Variants in ENPP3 observed in about 807,000 individuals in gnomAD.
ENPP3 encodes ectonucleotide pyrophosphatase/phosphodiesterase family member 3.
ENPP3 carries 104 observed loss-of-function variants against 117.8 expected under a neutral mutation model. That is an observed-to-expected ratio of 0.88 (90% confidence interval 0.75 to 1.04). The LOEUF (loss-of-function observed/expected upper bound fraction) is 1.04. ENPP3 is among the 50% of genes least tolerant of loss of function. ENPP3 has a pLI of 0.00. For synonymous variants in ENPP3, 380 were observed against 349.9 expected, an observed-to-expected ratio of 1.09 and a Z score of -0.96; for missense variants, 1,026 against 1,051.9, an observed-to-expected ratio of 0.98 and a Z score of 0.34.
intron 23 of ENPP3, among the ~76,000 whole-genome samples, chr6:131,739,593 C>CTTTTTT (rs71270397): frequency 4.2e-4 from 37 of 87,446 alleles, no homozygotes; most frequent in Admixed American, 7.0e-4. Context: ...TCATGCTCTG[C>CTTTTTT]TTTTTTTTTT....
At chr6:131,646,282 G>A (rs903286945) in intron 2 of ENPP3, among the ~76,000 whole-genome samples, 1 of 148,452 alleles carries the variant, frequency 6.7e-6, no homozygotes, top group Non-Finnish European at 1.5e-5. Flanking sequence ...CTCTGTGTGT[G>A]TGTGTGTGTG....
chr6:131,682,756 A>G (rs1405893663), intron 11 of ENPP3, among the ~76,000 whole-genome samples: 4 of 152,204 alleles, frequency 2.6e-5, no homozygotes, highest in Non-Finnish European at 4.4e-5. Context: ...GAGCATCGCT[A>G]TGAAAATTTT....
At chr6:131,649,878 C>T (rs1778225697) in intron 2 of ENPP3, 149 bp from the exon 3 acceptor site, 1 of 778,478 alleles carries the variant, frequency 1.3e-6, no homozygotes, top group Non-Finnish European at 2.1e-6. Flanking sequence ...TTATTTATTA[C>T]ATTGTATTGG....
intron 5 of ENPP3, among the ~76,000 whole-genome samples, chr6:131,654,515 T>G (rs1410916420): frequency 6.6e-6 from 1 of 152,010 alleles, no homozygotes; most frequent in African/African-American, 2.4e-5. Context: ...TGATCATGAC[T>G]CATAGCAGCT....
At chr6:131,658,230 T>C (rs1357355300) in intron 5 of ENPP3, 93 bp from the exon 6 acceptor site, 1 of 702,298 alleles carries the variant, frequency 1.4e-6, no homozygotes, top group African/African-American at 1.8e-5. Context: ...CCAATTATTT[T>C]ACCTTAAACA....
intron 9 of ENPP3, among the ~76,000 whole-genome samples, chr6:131,675,921 C>A (rs923047368): frequency 6.6e-6 from 1 of 152,090 alleles, no homozygotes; most frequent in African/African-American, 2.4e-5. Flanking sequence ...TTCAATGGCC[C>A]CCTGTGTCAC....
intron 15 of ENPP3, chr6:131,700,663 T>A: frequency 6.4e-7 from 1 of 1,558,864 alleles, no homozygotes; most frequent in Non-Finnish European, 8.6e-7. Flanking sequence ...ACGAGTCCAA[T>A]CACACAGAGG....
intron 19 of ENPP3, 30 bp from the exon 20 acceptor site, chr6:131,726,016 C>A: frequency 6.5e-7 from 1 of 1,548,644 alleles, no homozygotes; most frequent in Non-Finnish European, 8.9e-7. Flanking sequence ...ATTTCATGAA[C>A]CTTTTTATTT....
rs1169239940 is a variant in ENPP3, at chr6:131,685,918, A to G, written c.1284+11A>G. On this transcript the variant is annotated intron_variant, in intron 14 of 24. Coordinates refer to ENST00000357639, the MANE Select transcript of ENPP3 (RefSeq NM_005021.5). The stretch of plus-strand genomic sequence containing the variant: ...GTTAGAAACCTCAGTGTAAGTATAC[A>G]ATACTCTTAATACATATATTTAAGT... 1 of 786,210 alleles carries G rather than the reference A, an allele frequency of 1.3e-6. No homozygotes were observed. Among genetic ancestry groups the G allele is most frequent in the Non-Finnish European group, 2.1e-6 (1 of 469,366 alleles). 48.7% of individuals were successfully genotyped at this position (786,210 alleles called of 1,614,324 possible). A position where few individuals can be genotyped will look rare whatever the true frequency, so the allele number is the denominator to read the frequency against.
intron 23 of ENPP3, among the ~76,000 whole-genome samples, chr6:131,738,807 T>C (rs747320331): frequency 7.2e-5 from 11 of 152,160 alleles, no homozygotes; most frequent in Non-Finnish European, 1.6e-4. Flanking sequence ...AACTAAACAA[T>C]TGTACTGTCT....
intron 1 of ENPP3, among the ~76,000 whole-genome samples, chr6:131,637,983 T>A (rs1324009399): frequency 6.6e-6 from 1 of 151,930 alleles, no homozygotes; most frequent in Non-Finnish European, 1.5e-5. Context: ...TTTTTAATTT[T>A]AAATTTTTTT....
At position 131,723,827 on chromosome 6, in the gene ENPP3, TCACA is replaced by T. The variant is rs1554268188; in HGVS notation, c.1747-188_1747-185del. 2.1e-3 allele frequency among the ~76,000 whole-genome samples: 307 copies of T among 145,926 alleles called. 1 individual carries two copies. Among genetic ancestry groups the T allele is most frequent in the African/African-American group, 7.3e-3 (282 of 38,556 alleles). ...TTCTCTCTCTCTCTCTCTCTCTCTC[TCACA>T]CACACACACACACACACACACACAA... is the stretch of plus-strand genomic sequence containing the variant. On this transcript the variant is annotated intron_variant, in intron 18 of 24. Coordinates refer to ENST00000357639, the MANE Select transcript of ENPP3 (RefSeq NM_005021.5).
rs149245881 is a variant in ENPP3, at chr6:131,688,997, C to T, written c.1284+3090C>T. 2.4e-4 allele frequency among the ~76,000 whole-genome samples: 37 copies of T among 151,692 alleles called. 1 individual carries two copies. Among genetic ancestry groups the T allele is most frequent in the African/African-American group, 7.5e-4 (31 of 41,376 alleles). On this transcript the variant is annotated intron_variant, in intron 14 of 24. Transcript: ENST00000357639. ...AGGAAAATTGCTTGAACCCGGAAGG[C>T]GGAGGTTGCAGTGAGCTGAGATCAC...
Position 131,683,106 on chromosome 6 carries a change from G to T in ENPP3, c.1064G>T (p.Gly355Val), listed in dbSNP as rs751772186. 7.4e-6 allele frequency: 12 copies of T among 1,612,866 alleles called. No homozygotes were observed. The highest frequency in any genetic ancestry group is 9.3e-6 in the Non-Finnish European group (11 of 1,179,112). ...VDHAFGMLME[G>V]LKQRNLHNCV... is the part of the protein sequence containing the mutation. Reference sequence around the variant, plus strand: ...CATGCTTTTGGGATGTTGATGGAAGGCCTGAAGCAGCGGAATTTGCACAAC... The same window carrying T: ...CATGCTTTTGGGATGTTGATGGAAGTCCTGAAGCAGCGGAATTTGCACAAC... The change falls in exon 12 of 25, where the codon GGC becomes GTC. Residue 355 changes from glycine (G) to valine (V), a missense_variant. Gly to Val is a moderately radical substitution (Grantham distance 109, BLOSUM62 -3). Transcript: ENST00000357639.
chr6:131,687,988 G>A (rs901260481), intron 14 of ENPP3, among the ~76,000 whole-genome samples: 1 of 152,116 alleles, frequency 6.6e-6, no homozygotes, highest in Admixed American at 6.6e-5. Context: ...TGAAGGTTTT[G>A]TGGCAGCTCT....
intron 11 of ENPP3, among the ~76,000 whole-genome samples, chr6:131,679,509 CTTTTTT>C (rs57631097): frequency 1.5e-5 from 2 of 132,222 alleles, no homozygotes; most frequent in African/African-American, 5.5e-5. Flanking sequence ...GTACCATGTC[CTTTTTT>C]TTTTTTTTTT....
At chr6:131,643,978 CT>C (rs1001483123) in intron 2 of ENPP3, among the ~76,000 whole-genome samples, 1 of 149,078 alleles carries the variant, frequency 6.7e-6, no homozygotes, top group African/African-American at 2.5e-5. Context: ...TGTGAAATAA[CT>C]TTTGAGTAAT....
At chr6:131,731,929 A>C (rs935466875) in intron 20 of ENPP3, among the ~76,000 whole-genome samples, 1 of 152,226 alleles carries the variant, frequency 6.6e-6, no homozygotes, top group Non-Finnish European at 1.5e-5. Context: ...GGAGCTTTGT[A>C]GTATGTTAGG....
intron 20 of ENPP3, among the ~76,000 whole-genome samples, chr6:131,733,278 T>C (rs1780324441): frequency 6.6e-6 from 1 of 152,168 alleles, no homozygotes; most frequent in Non-Finnish European, 1.5e-5. Context: ...ACATAAAAGT[T>C]AGATCTTGAA....
Sources: allele counts gnomAD v4.1 joint callset (sites outside exome capture counted in the v4.1 genomes callset), GRCh38; gene constraint gnomAD v4.1.1; transcripts MANE v1.5; gene names NCBI Gene and HGNC (gene_info 2026-07-23, HGNC 2026-07-21).